Variants in L3MBTL4 observed in about 807,000 individuals in gnomAD.
L3MBTL4 encodes lethal(3)malignant brain tumor-like protein 4.
Under a neutral mutation model 84.5 loss-of-function variants are expected in L3MBTL4, and 70 were observed. The ratio of observed to expected loss-of-function variants is 0.83; its 90% CI spans 0.68 to 1.01. The LOEUF (loss-of-function observed/expected upper bound fraction) is 1.01. L3MBTL4 is among the 50% of genes least tolerant of loss of function. L3MBTL4 has a pLI of 0.00. For synonymous variants in L3MBTL4, 274 were observed against 259.8 expected (o/e 1.05, Z -0.52); for missense variants, 715 against 754.8 (o/e 0.95, Z 0.62).
At chr18:6,278,137 T>C (rs2049168866) in intron 4 of L3MBTL4, among the ~76,000 whole-genome samples, 1 of 152,152 alleles carries the variant, frequency 6.6e-6, no homozygotes, top group Non-Finnish European at 1.5e-5. Flanking sequence ...AAGACAATAA[T>C]GAATATTAAT....
At chr18:6,380,940 G>A (rs1328257120) in intron 1 of L3MBTL4, among the ~76,000 whole-genome samples, 1 of 152,108 alleles carries the variant, frequency 6.6e-6, no homozygotes, top group Non-Finnish European at 1.5e-5. Flanking sequence ...CACTATTATT[G>A]TGTGGGAGTC....
At chr18:6,031,006 T>C in intron 16 of L3MBTL4, 1 of 985,388 alleles carries the variant, frequency 1.0e-6, no homozygotes, top group Non-Finnish European at 1.2e-6. Flanking sequence ...TTTACCAAGC[T>C]GGTCCATGTT....
intron 1 of L3MBTL4, among the ~76,000 whole-genome samples, chr18:6,349,547 G>A (rs1355805876): frequency 6.6e-6 from 1 of 152,066 alleles, no homozygotes; most frequent in Admixed American, 6.6e-5. Context: ...GCAACACATT[G>A]AGAACCTGTC....
At chr18:6,208,014 T>G (rs905002757) in intron 12 of L3MBTL4, among the ~76,000 whole-genome samples, 3 of 151,864 alleles carry the variant, frequency 2.0e-5, no homozygotes, top group Non-Finnish European at 4.4e-5. Flanking sequence ...CTCAGGAGGC[T>G]GAGGTGTGAG....
At chr18:6,072,641 C>T (rs1024800721) in intron 16 of L3MBTL4, among the ~76,000 whole-genome samples, 1 of 150,080 alleles carries the variant, frequency 6.7e-6, no homozygotes, top group Non-Finnish European at 1.5e-5. Flanking sequence ...GAGATCCAGA[C>T]CATCCTGGCT....
chr18:6,144,196 C>CAAAAAAAA lies in L3MBTL4; in HGVS notation c.1097-5908_1097-5901dup, dbSNP rs35746580. On this transcript the variant is annotated intron_variant, in intron 13 of 18. Coordinates refer to ENST00000317931, the MANE Select transcript of L3MBTL4 (RefSeq NM_001330559.2). ...GGGCGACAGAGTGAGACTCCATCTC[C>CAAAAAAAA]AAAAAAAAAAAAAAAAAAAAAAAAG... Among the ~76,000 whole-genome samples the CAAAAAAAA allele has an allele frequency of 2.2e-3, 125 of 58,056 alleles. 6 individuals are homozygous for CAAAAAAAA. The highest frequency in any genetic ancestry group is 6.9e-3 in the African/African-American group (114 of 16,502). The allele number at this position is 58,056 out of a possible 152,430, so 38.1% of individuals were successfully genotyped here. A position where few individuals can be genotyped will look rare whatever the true frequency, so the allele number is the denominator to read the frequency against.
intron 16 of L3MBTL4, among the ~76,000 whole-genome samples, chr18:5,988,950 C>T (rs1192322051): frequency 6.6e-6 from 1 of 152,214 alleles, no homozygotes; most frequent in African/African-American, 2.4e-5. Context: ...CGCTTCTATA[C>T]TAAGACCCTG....
rs34482524 is a variant in L3MBTL4, at chr18:6,113,464, CA to C, written c.1200-19937del. On this transcript the variant is annotated intron_variant, in intron 14 of 18. Transcript: ENST00000317931. ...TGTATTAATTGGAGGCAAGTGTGGG[CA>C]AAAAAAAAAAAAAAAAAAGCAAATA... Among the ~76,000 whole-genome samples the C allele has an allele frequency of 2.4e-3, 268 of 113,746 alleles. 2 individuals carry two copies. Among genetic ancestry groups the C allele is most frequent in the South Asian group, 7.9e-3 (25 of 3,158 alleles). The allele number at this position is 113,746 out of a possible 152,430, so 74.6% of individuals were successfully genotyped here. A position where few individuals can be genotyped will look rare whatever the true frequency, so the allele number is the denominator to read the frequency against.
intron 14 of L3MBTL4, among the ~76,000 whole-genome samples, chr18:6,109,460 G>A (rs1263278963): frequency 1.3e-5 from 2 of 152,142 alleles, no homozygotes; most frequent in Admixed American, 1.3e-4. Flanking sequence ...GGGTGACACA[G>A]TAGCTGTCCA....
intron 16 of L3MBTL4, among the ~76,000 whole-genome samples, chr18:6,023,736 T>C (rs777165487): frequency 2.0e-5 from 3 of 152,242 alleles, no homozygotes; most frequent in African/African-American, 2.4e-5. Context: ...TGTGGGGCTG[T>C]ACCTTTCACA....
At chr18:6,032,393 C>CACACAT (rs1307161806) in intron 16 of L3MBTL4, 1 of 592,384 alleles carries the variant, frequency 1.7e-6, no homozygotes, top group East Asian at 1.4e-4. Flanking sequence ...GTTACACACA[C>CACACAT]ACACACACAC....
intron 12 of L3MBTL4, among the ~76,000 whole-genome samples, chr18:6,196,816 C>G (rs187037191): frequency 1.1e-4 from 17 of 152,254 alleles, no homozygotes; most frequent in Non-Finnish European, 2.2e-4. Context: ...TGTTTGAGAC[C>G]CTGGATTCAG....
At chr18:6,085,700 G>A (rs2058236244) in intron 15 of L3MBTL4, among the ~76,000 whole-genome samples, 1 of 152,190 alleles carries the variant, frequency 6.6e-6, no homozygotes, top group African/African-American at 2.4e-5. Flanking sequence ...AGTTTCCTGA[G>A]GCCTCTCCAG....
intron 14 of L3MBTL4, among the ~76,000 whole-genome samples, chr18:6,099,758 T>C (rs2058758868): frequency 6.6e-6 from 1 of 151,046 alleles, no homozygotes; most frequent in Non-Finnish European, 1.5e-5. Flanking sequence ...TGTCACTTTA[T>C]GTACTCAAAA....
At chr18:6,045,486 G>A (rs2056574998) in intron 16 of L3MBTL4, among the ~76,000 whole-genome samples, 1 of 152,170 alleles carries the variant, frequency 6.6e-6, no homozygotes, top group African/African-American at 2.4e-5. Context: ...CGTGGCTGGG[G>A]AGGCCTCATA....
intron 5 of L3MBTL4, among the ~76,000 whole-genome samples, chr18:6,249,529 T>C (rs2047832677): frequency 6.6e-6 from 1 of 152,176 alleles, no homozygotes; most frequent in African/African-American, 2.4e-5. Flanking sequence ...CAAGTAACAT[T>C]ACATAGCTAA....
chr18:5,984,103 G>A (rs973806672), intron 16 of L3MBTL4, among the ~76,000 whole-genome samples: 1 of 152,086 alleles, frequency 6.6e-6, no homozygotes, highest in Non-Finnish European at 1.5e-5. Flanking sequence ...GTACAGATGG[G>A]TTTTCACCAT....
intron 16 of L3MBTL4, among the ~76,000 whole-genome samples, chr18:6,066,104 A>G (rs941162812): frequency 1.3e-5 from 2 of 152,060 alleles, no homozygotes; most frequent in Non-Finnish European, 2.9e-5. Context: ...CCTTGATTTC[A>G]TTGTTAAACC....
chr18:6,400,364 A>C (rs1599917761), intron 1 of L3MBTL4, among the ~76,000 whole-genome samples: 1 of 152,318 alleles, frequency 6.6e-6, no homozygotes, highest in East Asian at 1.9e-4. Context: ...AGTGACAGAA[A>C]GTCCAGGGGT....
Sources: gnomAD v4.1 joint callset for allele counts (sites outside exome capture counted in the v4.1 genomes callset) on GRCh38, gnomAD v4.1.1 for gene constraint, MANE v1.5 for transcripts, NCBI Gene and HGNC (gene_info 2026-07-23, HGNC 2026-07-21) for gene names.